Variants in GRIK4 observed in about 807,000 individuals in gnomAD.
The protein encoded by GRIK4 is glutamate receptor ionotropic, kainate 4.
GRIK4 carries 40 observed loss-of-function variants against 104.9 expected under a neutral mutation model. The ratio of observed to expected loss-of-function variants is 0.38; its 90% confidence interval spans 0.30 to 0.50. The LOEUF (loss-of-function observed/expected upper bound fraction) is 0.50, where lower values mean the gene tolerates loss of function less well. Ranked by LOEUF, GRIK4 falls within the 20% of genes least tolerant of loss-of-function variation. The pLI is 0.93. For missense variants in GRIK4, 1,047 were observed against 1,308.1 expected (o/e 0.80, Z 3.08); for synonymous variants, 485 against 524.9 (o/e 0.92, Z 1.04).
At chr11:120,702,951 T>A (rs1950576336) in intron 3 of GRIK4, among the ~76,000 whole-genome samples, 1 of 152,174 alleles carries the variant, frequency 6.6e-6, no homozygotes, top group Non-Finnish European at 1.5e-5. Context: ...ATAAGTCCTT[T>A]TAGGGGAGTA....
intron 1 of GRIK4, among the ~76,000 whole-genome samples, chr11:120,512,281 G>A (rs181386789): frequency 1.3e-5 from 2 of 151,456 alleles, no homozygotes; most frequent in Admixed American, 1.3e-4. Flanking sequence ...TCCCCTGCAG[G>A]GATGACAGCC....
Position 120,800,928 on chromosome 11 carries a change from G to A in GRIK4, c.83-1765G>A, listed in dbSNP as rs984934882. On this transcript the variant is annotated intron_variant, in intron 3 of 20. Transcript: ENST00000527524. ...CTGAAAGATAAATATTTCTTTTAATGTAATGGCTTTCTTGAGATATAACTT... is the reference window on the plus strand; with the variant it reads ...CTGAAAGATAAATATTTCTTTTAATATAATGGCTTTCTTGAGATATAACTT... Among the ~76,000 whole-genome samples the A allele has an allele frequency of 1.1e-3, 163 of 152,262 alleles. 1 individual carries two copies. Among genetic ancestry groups the A allele is most frequent in the African/African-American group, 3.8e-3 (156 of 41,540 alleles).
At chr11:120,590,165 C>T (rs766051668) in intron 1 of GRIK4, among the ~76,000 whole-genome samples, 8 of 152,290 alleles carry the variant, frequency 5.3e-5, no homozygotes, top group Admixed American at 2.6e-4. Flanking sequence ...AGAGCCTTCA[C>T]CTTACCCCTG....
At chr11:120,738,759 C>T (rs1345914560) in intron 3 of GRIK4, among the ~76,000 whole-genome samples, 1 of 152,206 alleles carries the variant, frequency 6.6e-6, no homozygotes, top group Non-Finnish European at 1.5e-5. Flanking sequence ...TGATCCCCAT[C>T]ACCACCTGCC....
chr11:120,871,248 A>C (rs1457898597), intron 9 of GRIK4: 3 of 181,148 alleles, frequency 1.7e-5, no homozygotes, highest in Admixed American at 1.1e-4. Flanking sequence ...TCTAAGCCGG[A>C]AAGGGAGAAT....
At chr11:120,975,835 A>C (rs1200772170) in intron 19 of GRIK4, among the ~76,000 whole-genome samples, 1 of 152,180 alleles carries the variant, frequency 6.6e-6, no homozygotes, top group Non-Finnish European at 1.5e-5. Flanking sequence ...GTTTAGATCC[A>C]GGCACTTCCA....
At chr11:120,720,742 T>A (rs118046113) in intron 3 of GRIK4, among the ~76,000 whole-genome samples, 2,420 of 152,200 alleles carry the variant, frequency 0.016, 37 homozygotes, top group Non-Finnish European at 0.026. Flanking sequence ...TTTAAGAGTT[T>A]AGCTATATTT....
chr11:120,848,655 A>C (rs968654797), intron 8 of GRIK4, among the ~76,000 whole-genome samples: 1 of 152,152 alleles, frequency 6.6e-6, no homozygotes, highest in African/African-American at 2.4e-5. Flanking sequence ...GGACTGATGA[A>C]TCAGTATATC....
chr11:120,518,891 T>C (rs1947762083), intron 1 of GRIK4, among the ~76,000 whole-genome samples: 1 of 152,232 alleles, frequency 6.6e-6, no homozygotes, highest in African/African-American at 2.4e-5. Context: ...GTGCTGACAT[T>C]ATAGGCATGA....
rs145795049 is a variant in GRIK4, at chr11:120,622,428, A to G, written c.-158-31257A>G. 5.9e-5 allele frequency among the ~76,000 whole-genome samples: 9 copies of G among 152,338 alleles called. No homozygotes were observed. In the East Asian group the frequency reaches 1.7e-3, roughly 29 times the overall value. On this transcript the variant is annotated intron_variant, in intron 1 of 20. Transcript: ENST00000527524. ...AGTTTGACTTCAAAGCCATGCCTTT[A>G]ACCACTGGGCAGACTTTTCTCATGT...
At chr11:120,733,736 CTTTTT>C (rs1162073446) in intron 3 of GRIK4, among the ~76,000 whole-genome samples, 2 of 144,980 alleles carry the variant, frequency 1.4e-5, no homozygotes, top group African/African-American at 5.1e-5. Flanking sequence ...GTCTTTCTCC[CTTTTT>C]TTTTTTTTTT....
chr11:120,544,141 A>T (rs2510878), intron 1 of GRIK4, among the ~76,000 whole-genome samples: 1 of 152,060 alleles, frequency 6.6e-6, no homozygotes, highest in South Asian at 2.1e-4. Flanking sequence ...TTCTTACCAT[A>T]GACATATGAA....
chr11:120,899,366 A>G (rs11218049), intron 12 of GRIK4, among the ~76,000 whole-genome samples: 27,870 of 147,254 alleles, frequency 0.19, 2,961 homozygotes, highest in East Asian at 0.45. Context: ...GGTTGCAGTG[A>G]GCCGAGATCG....
At chr11:120,557,425 G>A (rs2248404) in intron 1 of GRIK4, among the ~76,000 whole-genome samples, 26,862 of 152,182 alleles carry the variant, frequency 0.18, 4,830 homozygotes, top group African/African-American at 0.46. Context: ...CCACTTGTTT[G>A]CAGTTTCCCA....
At chr11:120,581,676 C>T (rs1048567897) in intron 1 of GRIK4, among the ~76,000 whole-genome samples, 11 of 151,968 alleles carry the variant, frequency 7.2e-5, no homozygotes, top group African/African-American at 1.2e-4. Flanking sequence ...CTTTTTGCGA[C>T]GGGCTTATTT....
chr11:120,570,112 C>T (rs773597708), intron 1 of GRIK4, among the ~76,000 whole-genome samples: 12 of 152,256 alleles, frequency 7.9e-5, no homozygotes, highest in East Asian at 1.9e-4. Flanking sequence ...ACCGCCAGGG[C>T]GAGATGAAGC....
chr11:120,901,566 C>T (rs1942739196), intron 12 of GRIK4, among the ~76,000 whole-genome samples: 1 of 152,184 alleles, frequency 6.6e-6, no homozygotes, highest in Non-Finnish European at 1.5e-5. Flanking sequence ...CTTTACCTCC[C>T]CTTCTAGGAT....
rs1446740368 is a variant in GRIK4, at chr11:120,986,466, T to C, written c.*206T>C. 1.5e-5 allele frequency: 10 copies of C among 668,368 alleles called. No homozygotes were observed. Among genetic ancestry groups the C allele is most frequent in the African/African-American group, 9.7e-5 (5 of 51,508 alleles). The allele number at this position is 668,368 out of a possible 1,614,324, so 41.4% of individuals were successfully genotyped here. A position where few individuals can be genotyped will look rare whatever the true frequency, so the allele number is the denominator to read the frequency against. ...AGGGAGCAGGGTCCACCCGGAAACG[T>C]TGCACCCAAAGGGCAAAGGACGGCC... On this transcript the variant is annotated 3_prime_UTR_variant, in exon 21 of 21. Transcript: ENST00000527524.
intron 4 of GRIK4, among the ~76,000 whole-genome samples, chr11:120,814,600 A>G (rs920339388): frequency 5.9e-5 from 9 of 152,114 alleles, no homozygotes; most frequent in African/African-American, 2.2e-4. Flanking sequence ...CTCCATCTCA[A>G]TAAATAAATA....
Sources: gnomAD v4.1 joint callset for allele counts (sites outside exome capture counted in the v4.1 genomes callset) on GRCh38, gnomAD v4.1.1 for gene constraint, MANE v1.5 for transcripts, NCBI Gene and HGNC (gene_info 2026-07-23, HGNC 2026-07-21) for gene names.